Variants in EXPH5 observed in about 807,000 individuals in gnomAD.
EXPH5 encodes the protein exophilin-5.
In EXPH5, 42 loss-of-function variants were observed where a neutral mutation model predicts 41.1. The ratio of observed to expected loss-of-function variants is 1.02; its 90% confidence interval spans 0.80 to 1.32. The LOEUF (loss-of-function observed/expected upper bound fraction) is 1.32, where lower values mean the gene tolerates loss of function less well. Among genes scored for constraint, EXPH5 ranks in the 40% most tolerant of loss-of-function variants. The pLI, the probability that EXPH5 is intolerant of heterozygous loss-of-function variation, is 0.00. For missense variants in EXPH5, 2,298 were observed against 2,314.5 expected (o/e 0.99, Z 0.15); for synonymous variants, 798 against 833.5 (o/e 0.96, Z 0.73).
At chr11:108,571,836 G>A (rs1447791183) in intron 1 of EXPH5, among the ~76,000 whole-genome samples, 7 of 152,018 alleles carry the variant, frequency 4.6e-5, no homozygotes, top group South Asian at 2.1e-4. Context: ...CAAGGCGGGC[G>A]GATCATGAGG....
At chr11:108,542,965 T>A (rs1374686066) in intron 1 of EXPH5, among the ~76,000 whole-genome samples, 1 of 152,124 alleles carries the variant, frequency 6.6e-6, no homozygotes, top group Non-Finnish European at 1.5e-5. Context: ...GTGATCCCCC[T>A]GCCTTGACCT....
In EXPH5 at chr11:108,513,726, G is replaced by C. The variant is rs1443029502; in HGVS notation, c.1781C>G (p.Ser594Cys). Residue 594 changes from serine (S) to cysteine (C), a missense_variant, in exon 6 of 6, where the codon TCT becomes TGT. Transcript: ENST00000265843. The part of the protein sequence containing the change: ...SMTGSSYHVK[S>C]SELVSQQDSS... ...GTCCTGTTGACTTACCAACTCACTAGATTTGACGTGATAGCTTGAACCAGT... is the reference window on the plus strand; with the variant it reads ...GTCCTGTTGACTTACCAACTCACTACATTTGACGTGATAGCTTGAACCAGT... 3 of 1,612,232 alleles carry C rather than the reference G, an allele frequency of 1.9e-6. No homozygotes were observed. The highest frequency in any genetic ancestry group is 1.1e-5 in the South Asian group (1 of 90,580).
intron 2 of EXPH5, among the ~76,000 whole-genome samples, chr11:108,541,446 A>G (rs2640790): frequency 6.6e-6 from 1 of 151,606 alleles, no homozygotes; most frequent in Non-Finnish European, 1.5e-5. Context: ...CCCAAAAAAC[A>G]AAAAAAAATC....
intron 1 of EXPH5, among the ~76,000 whole-genome samples, chr11:108,551,101 A>G (rs1199530481): frequency 6.6e-6 from 1 of 152,098 alleles, no homozygotes; most frequent in African/African-American, 2.4e-5. Context: ...GCCAATCCTC[A>G]CCCTAACACT....
Position 108,512,447 on chromosome 11 carries a change from AC to A in EXPH5, c.3059del (p.Cys1020LeufsTer21). On this transcript the variant is annotated frameshift_variant, in exon 6 of 6. Transcript: ENST00000265843. LOFTEE classifies it low-confidence loss of function (END_TRUNC). ...SKVSELDTIY[C>X]TLPRKSSSFL... is the part of the protein sequence containing the mutation. ...AACTGCTTGATTTTCTTGGCAAGGT[AC>A]AATAAATTGTGTCAAGTTCAGAAAC... is the stretch of plus-strand genomic sequence containing the variant. The A allele has an allele frequency of 6.2e-7, 1 of 1,613,326 alleles. No individual in the cohort carries two copies. The highest frequency in any genetic ancestry group is 8.5e-7 in the Non-Finnish European group (1 of 1,179,858).
chr11:108,548,981 C>T (rs2093951531), intron 1 of EXPH5, among the ~76,000 whole-genome samples: 1 of 152,190 alleles, frequency 6.6e-6, no homozygotes. Flanking sequence ...AAACAGAATT[C>T]AACCAACTTC....
chr11:108,511,991 A>G lies in EXPH5; in HGVS notation c.3516T>C (p.Asp1172=). The change falls in exon 6 of 6, where the codon GAT becomes GAC. Residue 1172 remains aspartate (D), a synonymous_variant. Transcript: ENST00000265843. ...SPVESDSSVR[D]CSLTKRQHQK... ...GGTGTTGTCTTTTGGTTAAAGAACA[A>G]TCTCTAACAGATGAGTCACTTTCCA... is the stretch of plus-strand genomic sequence containing the variant. The G allele has an allele frequency of 1.9e-6, 3 of 1,595,128 alleles. No individual in the cohort carries two copies. Among genetic ancestry groups the G allele is most frequent in the Non-Finnish European group, 2.6e-6 (3 of 1,174,112 alleles).
At chr11:108,562,265 G>GTTTTTTTT (rs35527615) in intron 1 of EXPH5, among the ~76,000 whole-genome samples, 3 of 104,592 alleles carry the variant, frequency 2.9e-5, no homozygotes, top group East Asian at 2.3e-4. Flanking sequence ...TTTTTTCTGT[G>GTTTTTTTT]TTTTTTTTTT....
At chr11:108,565,888 A>G (rs1211893492) in intron 1 of EXPH5, among the ~76,000 whole-genome samples, 1 of 152,188 alleles carries the variant, frequency 6.6e-6, no homozygotes, top group Non-Finnish European at 1.5e-5. Flanking sequence ...TCTTTTGTTT[A>G]CAATGCCCTT....
the EXPH5 span, among the ~76,000 whole-genome samples, chr11:108,606,601 C>T: frequency 6.6e-6 from 1 of 152,074 alleles, no homozygotes. Context: ...TTATAATAAG[C>T]CCTTTAAAGA....
chr11:108,561,889 A>T (rs929627037), intron 1 of EXPH5, among the ~76,000 whole-genome samples: 1 of 152,210 alleles, frequency 6.6e-6, no homozygotes, highest in Admixed American at 6.5e-5. Flanking sequence ...AGCCCTGGCA[A>T]TGGAAGTGAG....
At chr11:108,538,248 A>G in intron 3 of EXPH5, 3 of 985,420 alleles carry the variant, frequency 3.0e-6, no homozygotes, top group Non-Finnish European at 3.6e-6. Context: ...CACGCGGAAC[A>G]TATCACGTGC....
Position 108,505,840 on chromosome 11 carries a change from AC to A in EXPH5, c.*3696del, listed in dbSNP as rs2093641722. The A allele has an allele frequency of 6.6e-6, 1 of 152,142 alleles. No homozygotes were observed. The highest frequency in any genetic ancestry group is 2.4e-5 in the African/African-American group (1 of 41,428). 9.4% of individuals were successfully genotyped at this position (152,142 alleles called of 1,614,324 possible). On this transcript the variant is annotated 3_prime_UTR_variant, in exon 6 of 6. Transcript: ENST00000265843. ...TTTGCCATAACCTAAATGGATTTTT[AC>A]CCCCTCCAGTACACATATTTACCTC...
the EXPH5 span, among the ~76,000 whole-genome samples, chr11:108,603,315 T>C: frequency 6.6e-6 from 1 of 152,232 alleles, no homozygotes; most frequent in Non-Finnish European, 1.5e-5. Context: ...GTAAATGTAC[T>C]AAATGCCATT....
intron 1 of EXPH5, among the ~76,000 whole-genome samples, chr11:108,557,424 A>T (rs1417473442): frequency 6.6e-6 from 1 of 152,176 alleles, no homozygotes; most frequent in Non-Finnish European, 1.5e-5. Context: ...GCTGATTGCA[A>T]CCTCCGCCTC....
At chr11:108,556,636 C>A (rs2093991406) in intron 1 of EXPH5, among the ~76,000 whole-genome samples, 1 of 152,024 alleles carries the variant, frequency 6.6e-6, no homozygotes, top group Non-Finnish European at 1.5e-5. Context: ...CAACCACGCC[C>A]AGCTAATTTT....
intron 1 of EXPH5, chr11:108,568,175 T>TGGGGGGG (rs1555198197): frequency 1.9e-5 from 2 of 102,894 alleles, no homozygotes; most frequent in East Asian, 5.4e-4. Flanking sequence ...TTACTTTTTT[T>TGGGGGGG]GGGAGGGGGG....
At chr11:108,602,912 C>T in the EXPH5 span, among the ~76,000 whole-genome samples, 3 of 152,130 alleles carry the variant, frequency 2.0e-5, no homozygotes, top group Non-Finnish European at 4.4e-5. Context: ...ATTGTAATCC[C>T]CATAATCCCC....
At chr11:108,599,599 T>G in the EXPH5 span, among the ~76,000 whole-genome samples, 2 of 152,204 alleles carry the variant, frequency 1.3e-5, no homozygotes, top group Non-Finnish European at 2.9e-5. Context: ...TGTTGGTAGT[T>G]TTTATGTTAC....
Sources: allele counts gnomAD v4.1 joint callset (sites outside exome capture counted in the v4.1 genomes callset), GRCh38; gene constraint gnomAD v4.1.1; transcripts MANE v1.5; gene names NCBI Gene and HGNC (gene_info 2026-07-23, HGNC 2026-07-21).